The following DLGAP2 variants were observed in gnomAD, a reference collection of about 807,000 sequenced individuals.
The protein encoded by DLGAP2 is disks large-associated protein 2.
Under a neutral mutation model 100.3 loss-of-function variants are expected in DLGAP2, and 26 were observed. The ratio of observed to expected loss-of-function variants is 0.26; its 90% confidence interval spans 0.19 to 0.36. DLGAP2 has a LOEUF of 0.36. Among genes scored for constraint, DLGAP2 ranks in the 10% least tolerant of loss-of-function variants. The pLI is 1.00. For synonymous variants in DLGAP2, 886 were observed against 630.1 expected (o/e 1.41, Z -6.08); for missense variants, 1,858 against 1,453.2 (o/e 1.28, Z -4.53).
chr8:1,377,478 A>C (rs1487221261), intron 3 of DLGAP2, among the ~76,000 whole-genome samples: 1 of 152,214 alleles, frequency 6.6e-6, no homozygotes, highest in Non-Finnish European at 1.5e-5. Flanking sequence ...TGGGAGGCGG[A>C]GCTGGCAGTG....
At chr8:1,368,123 A>T (rs1437462649) in intron 3 of DLGAP2, among the ~76,000 whole-genome samples, 2 of 152,094 alleles carry the variant, frequency 1.3e-5, no homozygotes, top group African/African-American at 4.8e-5. Context: ...GTATGTAGGC[A>T]TGTGCGTGTA....
At chr8:1,613,946 A>G (rs895510673) in intron 6 of DLGAP2, among the ~76,000 whole-genome samples, 17 of 152,204 alleles carry the variant, frequency 1.1e-4, no homozygotes, top group African/African-American at 3.6e-4. Flanking sequence ...AGCTCTATCA[A>G]CTATTCCCGG....
At chr8:1,649,320 G>C (rs12675143) in intron 8 of DLGAP2, among the ~76,000 whole-genome samples, 25 of 35,284 alleles carry the variant, frequency 7.1e-4, no homozygotes, top group African/African-American at 1.0e-3. Flanking sequence ...TACCCAGTGT[G>C]TAAATTCTTT....
intron 3 of DLGAP2, among the ~76,000 whole-genome samples, chr8:1,432,686 T>A (rs1306426367): frequency 2.0e-5 from 3 of 152,252 alleles, no homozygotes; most frequent in Admixed American, 1.3e-4. Context: ...CTCTTCTGTG[T>A]CTGTCATGTC....
chr8:1,218,383 A>C (rs867212978), intron 2 of DLGAP2, among the ~76,000 whole-genome samples: 2 of 152,152 alleles, frequency 1.3e-5, no homozygotes, highest in Non-Finnish European at 2.9e-5. Flanking sequence ...AACTTTGTCA[A>C]AGATCAGTTG....
intron 1 of DLGAP2, among the ~76,000 whole-genome samples, chr8:876,333 C>G (rs1054975459): frequency 6.6e-6 from 1 of 152,222 alleles, no homozygotes; most frequent in East Asian, 1.9e-4. Context: ...AATAAATTCT[C>G]TGAGTTTTTA....
chr8:1,044,456 C>T (rs1802461259), intron 2 of DLGAP2, among the ~76,000 whole-genome samples: 1 of 152,182 alleles, frequency 6.6e-6, no homozygotes, highest in Non-Finnish European at 1.5e-5. Flanking sequence ...GGTCTCACCG[C>T]ACCTGCGTGA....
chr8:1,126,827 C>T (rs959764966), intron 2 of DLGAP2, among the ~76,000 whole-genome samples: 1 of 151,996 alleles, frequency 6.6e-6, no homozygotes, highest in South Asian at 2.1e-4. Context: ...CTGGAAGGCA[C>T]CACCCCATTG....
intron 2 of DLGAP2, among the ~76,000 whole-genome samples, chr8:1,245,497 C>T: frequency 6.6e-6 from 1 of 152,150 alleles, no homozygotes; most frequent in East Asian, 1.9e-4. Context: ...GTCATGAAAA[C>T]CACAGATAGG....
chr8:1,533,476 A>T (rs976457199), intron 4 of DLGAP2, among the ~76,000 whole-genome samples: 3 of 152,000 alleles, frequency 2.0e-5, no homozygotes, highest in Non-Finnish European at 4.4e-5. Flanking sequence ...ACTGCATTCC[A>T]GCCTGGGCGA....
intron 6 of DLGAP2, among the ~76,000 whole-genome samples, chr8:1,608,077 TC>T (rs1309448123): frequency 6.8e-5 from 6 of 87,594 alleles, no homozygotes; most frequent in Admixed American, 3.7e-4. Flanking sequence ...AGGCTCCACC[TC>T]TGGGGGCAGG....
intron 3 of DLGAP2, among the ~76,000 whole-genome samples, chr8:1,436,327 G>A (rs1168319169): frequency 6.6e-6 from 1 of 152,174 alleles, no homozygotes; most frequent in Non-Finnish European, 1.5e-5. Flanking sequence ...GATGTTCAAG[G>A]GCAGGAGGCA....
chr8:1,467,530 C>T (rs773852671), intron 3 of DLGAP2, among the ~76,000 whole-genome samples: 1 of 152,126 alleles, frequency 6.6e-6, no homozygotes, highest in African/African-American at 2.4e-5. Context: ...TGGCAGAGCC[C>T]AGCACAAGCT....
chr8:1,545,397 T>G (rs1801499717), intron 4 of DLGAP2, among the ~76,000 whole-genome samples: 1 of 152,176 alleles, frequency 6.6e-6, no homozygotes, highest in Non-Finnish European at 1.5e-5. Context: ...AAGACGTGCA[T>G]TTACATTCTA....
intron 1 of DLGAP2, among the ~76,000 whole-genome samples, chr8:883,684 G>A (rs1242950748): frequency 1.3e-5 from 2 of 152,096 alleles, no homozygotes; most frequent in Non-Finnish European, 2.9e-5. Flanking sequence ...TGCCGCGGCG[G>A]TTCGTTACGT....
At chr8:1,548,235 G>T (rs1480188929) in intron 4 of DLGAP2, among the ~76,000 whole-genome samples, 1 of 152,004 alleles carries the variant, frequency 6.6e-6, no homozygotes, top group African/African-American at 2.4e-5. Context: ...TGAGGCCAGT[G>T]GATCACCTGA....
Position 1,682,910 on chromosome 8 carries a change from G to C in DLGAP2, c.2704+4281G>C, listed in dbSNP as rs559784951. On this transcript the variant is annotated intron_variant, in intron 12 of 14. Transcript: ENST00000637795. ...CCCCTAAACATATGTTTGGTTTCGT[G>C]GTGGGATTTTTGTTTTGTTTTGTCT... Among the ~76,000 whole-genome samples, 7 of 151,582 alleles carry C rather than the reference G, an allele frequency of 4.6e-5. No individual in the cohort carries two copies. In the East Asian group the frequency reaches 1.2e-3, roughly 25 times the overall value.
chr8:1,016,612 A>G (rs867753875), intron 2 of DLGAP2, among the ~76,000 whole-genome samples: 2 of 192 alleles, frequency 0.01, no homozygotes, highest in African/African-American at 0.1. Flanking sequence ...AGGACAGACG[A>G]TGCCTCCACT....
In DLGAP2 at chr8:1,647,606, T is replaced by A. The variant is rs141631548; in HGVS notation, c.1810+14560T>A. 4.8e-4 allele frequency among the ~76,000 whole-genome samples: 71 copies of A among 149,188 alleles called. No homozygotes were observed. The East Asian group carries it at 0.014, about 30-fold the overall frequency. On this transcript the variant is annotated intron_variant, in intron 8 of 14. Coordinates refer to ENST00000637795, the MANE Select transcript of DLGAP2 (RefSeq NM_001346810.2). ...TTATGAATGCAGACAGCAGAACACA[T>A]TCCTATGAGATTCATGCTAACAATA...
Sources: gnomAD v4.1 joint callset for allele counts (sites outside exome capture counted in the v4.1 genomes callset) on GRCh38, gnomAD v4.1.1 for gene constraint, MANE v1.5 for transcripts, NCBI Gene and HGNC (gene_info 2026-07-23, HGNC 2026-07-21) for gene names.